ENPEP: variants seen among roughly 807,000 people sequenced by gnomAD.
ENPEP encodes AP-A.
Under a neutral mutation model 114.5 loss-of-function variants are expected in ENPEP, and 103 were observed. The observed-to-expected ratio is 0.90, with a 90% CI of 0.77 to 1.06. The LOEUF (loss-of-function observed/expected upper bound fraction) is 1.06. Among genes scored for constraint, ENPEP ranks in the 50% least tolerant of loss-of-function variants. The pLI is 0.00. For missense variants in ENPEP, 1,196 were observed against 1,161.3 expected (o/e 1.03, Z -0.43); for synonymous variants, 420 against 422.0 (o/e 1.00, Z 0.06).
intron 4 of ENPEP, among the ~76,000 whole-genome samples, chr4:110,508,351 G>A (rs1053533777): frequency 6.6e-6 from 1 of 150,854 alleles, no homozygotes; most frequent in South Asian, 2.1e-4. Flanking sequence ...ACAACATTAT[G>A]AAAAATATTG....
intron 3 of ENPEP, among the ~76,000 whole-genome samples, chr4:110,493,063 A>C (rs1221440237): frequency 6.6e-6 from 1 of 152,208 alleles, no homozygotes; most frequent in Non-Finnish European, 1.5e-5. Context: ...AGGACATAGT[A>C]CTTGGAGTTA....
At chr4:110,548,442 A>G in intron 14 of ENPEP, 116 bp downstream of exon 14, 1 of 821,854 alleles carries the variant, frequency 1.2e-6, no homozygotes, top group Non-Finnish European at 1.7e-6. Context: ...TGCCAGGTGG[A>G]ATCAAAAGAA....
chr4:110,509,799 G>A lies in ENPEP; in HGVS notation c.1186G>A (p.Val396Met), dbSNP rs1414909810. The A allele has an allele frequency of 1.2e-6, 2 of 1,613,204 alleles. No individual in the cohort carries two copies. The highest frequency in any genetic ancestry group is 1.7e-6 in the Non-Finnish European group (2 of 1,179,796). ...RVATVVAHELVHQWFGNIVTM... is the reference protein window; with the variant it reads ...RVATVVAHELMHQWFGNIVTM... The stretch of plus-strand genomic sequence containing the variant: ...GGCCACTGTGGTTGCCCATGAACTT[G>A]TGCATCAGGTACAGAATCTTAGCAC... Residue 396 changes from valine to methionine, a missense_variant, in exon 5 of 20, where the codon GTG (valine) becomes ATG (methionine). Transcript: ENST00000265162.
In ENPEP at chr4:110,549,624, G is replaced by A. The variant is rs1465642222; in HGVS notation, c.2322G>A (p.Gly774=). 1 of 1,613,514 alleles carries A rather than the reference G, an allele frequency of 6.2e-7. No homozygotes were observed. The highest frequency in any genetic ancestry group is 8.5e-7 in the Non-Finnish European group (1 of 1,179,632). The part of the protein sequence containing the change: ...ASSLFEQWLN[G]TVSLPVNLRL... ...CGTTATTTGAGCAGTGGCTAAATGG[G>A]ACTGTAAGGTGATTACTCACATTGT... The change falls in exon 16 of 20, where the codon GGG becomes GGA. Residue 774 remains glycine (G), a synonymous_variant. Transcript: ENST00000265162.
At chr4:110,522,911 AAG>A (rs994524711) in intron 10 of ENPEP, among the ~76,000 whole-genome samples, 17 of 152,172 alleles carry the variant, frequency 1.1e-4, no homozygotes, top group Non-Finnish European at 2.9e-5. Flanking sequence ...TTGGAGGAGA[AAG>A]AGAAAGAAAA....
chr4:110,540,502 A>G (rs1242218709), intron 11 of ENPEP, among the ~76,000 whole-genome samples: 5 of 152,170 alleles, frequency 3.3e-5, no homozygotes, highest in African/African-American at 4.8e-5. Context: ...TTTTAGTTCT[A>G]CTCATTATGT....
chr4:110,493,025 A>T (rs958164988), intron 3 of ENPEP, among the ~76,000 whole-genome samples: 3 of 152,200 alleles, frequency 2.0e-5, no homozygotes, highest in African/African-American at 7.2e-5. Flanking sequence ...TCTCATAGGT[A>T]AGAACAATGC....
chr4:110,506,603 A>C, intron 3 of ENPEP, 34 bp from the exon 4 acceptor site: 1 of 1,571,312 alleles, frequency 6.4e-7, no homozygotes, highest in Non-Finnish European at 8.6e-7. Flanking sequence ...ATGAAGAATA[A>C]TTTTCACTGA....
intron 8 of ENPEP, among the ~76,000 whole-genome samples, chr4:110,518,888 A>G (rs1239043866): frequency 6.6e-6 from 1 of 152,224 alleles, no homozygotes; most frequent in Admixed American, 6.5e-5. Context: ...TTCAATAGAA[A>G]TTGTCATCAA....
At chr4:110,488,812 G>A in intron 2 of ENPEP, 130 bp downstream of exon 2, 1 of 1,252,324 alleles carries the variant, frequency 8.0e-7, no homozygotes, top group Non-Finnish European at 1.1e-6. Flanking sequence ...TTATTTAGCT[G>A]AGTGAAATAC....
In ENPEP at chr4:110,549,819, T is replaced by G; in HGVS notation, c.2434T>G (p.Leu812Val). ...YTLEQYQKTS[L>V]AQEKEKLLYG... is the part of the protein sequence containing the mutation. ...TCTTGAGCAATACCAGAAAACTTCATTAGCTCAAGAAAAAGAAAAACTGCT... is the reference window on the plus strand; with the variant it reads ...TCTTGAGCAATACCAGAAAACTTCAGTAGCTCAAGAAAAAGAAAAACTGCT... The change falls in exon 17 of 20, where the codon TTA becomes GTA. Residue 812 changes from leucine (L) to valine (V), a missense_variant. Leu to Val is a conservative substitution (Grantham distance 32). Transcript: ENST00000265162. 6.2e-7 allele frequency: 1 copy of G among 1,613,334 alleles called. No homozygotes were observed. Among genetic ancestry groups the G allele is most frequent in the Non-Finnish European group, 8.5e-7 (1 of 1,179,530 alleles).
At chr4:110,559,082 G>A (rs983908948) in intron 18 of ENPEP, 4 of 152,356 alleles carry the variant, frequency 2.6e-5, no homozygotes, top group African/African-American at 9.7e-5. Flanking sequence ...TTCTCACTAT[G>A]GTTAGACTCC....
rs1419583803 is a variant in ENPEP at position 110,549,611 on chromosome 4, A to G, written c.2309A>G (p.Gln770Arg). 4.3e-6 allele frequency: 7 copies of G among 1,613,618 alleles called. No homozygotes were observed. Among genetic ancestry groups the G allele is most frequent in the Admixed American group, 1.7e-5 (1 of 59,930 alleles). Residue 770 changes from glutamine to arginine, a missense_variant, in exon 16 of 20, where the codon CAG becomes CGG. Coordinates refer to ENST00000265162, the MANE Select transcript of ENPEP (RefSeq NM_001977.4). ...AACAATGCTTCCTCGTTATTTGAGC[A>G]GTGGCTAAATGGGACTGTAAGGTGA... ...ALNNASSLFEQWLNGTVSLPV... is the reference protein window; with the variant it reads ...ALNNASSLFERWLNGTVSLPV...
chr4:110,558,577 G>A (rs1321252258), intron 18 of ENPEP, among the ~76,000 whole-genome samples: 1 of 152,118 alleles, frequency 6.6e-6, no homozygotes, highest in Non-Finnish European at 1.5e-5. Flanking sequence ...TTACAGGCGT[G>A]AGCCACCGCA....
intron 2 of ENPEP, among the ~76,000 whole-genome samples, chr4:110,489,278 A>G (rs1239147010): frequency 6.6e-6 from 1 of 152,064 alleles, no homozygotes; most frequent in African/African-American, 2.4e-5. Flanking sequence ...ATGAAGCTGG[A>G]AACCATCATT....
chr4:110,501,660 A>G (rs1011598253), intron 3 of ENPEP, among the ~76,000 whole-genome samples: 2 of 152,220 alleles, frequency 1.3e-5, no homozygotes, highest in Non-Finnish European at 2.9e-5. Context: ...TATATATACC[A>G]CATTTTATTT....
chr4:110,530,147 C>T (rs1398002676), intron 10 of ENPEP, among the ~76,000 whole-genome samples: 5 of 152,014 alleles, frequency 3.3e-5, no homozygotes, highest in South Asian at 2.1e-4. Flanking sequence ...CACTATAAGG[C>T]CCAAGAAGCA....
intron 6 of ENPEP, chr4:110,512,608 T>C (rs931240694): frequency 6.6e-6 from 1 of 152,208 alleles, no homozygotes; most frequent in Non-Finnish European, 1.5e-5. Context: ...AAGTTAGTAG[T>C]GATTTAGCAG....
intron 1 of ENPEP, among the ~76,000 whole-genome samples, chr4:110,484,920 T>TGCAC (rs70956447): frequency 0.37 from 55,720 of 151,086 alleles, 11,977 homozygotes; most frequent in East Asian, 0.55. Flanking sequence ...GGTGCGCGCA[T>TGCAC]GCACGCACGC....
Sources: gnomAD v4.1 joint callset for allele counts (sites outside exome capture counted in the v4.1 genomes callset) on GRCh38, gnomAD v4.1.1 for gene constraint, MANE v1.5 for transcripts, NCBI Gene and HGNC (gene_info 2026-07-23, HGNC 2026-07-21) for gene names.